The following NCAM1 variants were observed in gnomAD, a reference collection of about 807,000 sequenced individuals.
The protein encoded by NCAM1 is neural cell adhesion molecule 1.
Under a neutral mutation model 109.8 loss-of-function variants are expected in NCAM1, and 14 were observed. The ratio of observed to expected loss-of-function variants is 0.13; its 90% CI spans 0.08 to 0.20. NCAM1 has a LOEUF of 0.20. Among genes scored for constraint, NCAM1 ranks in the 10% least tolerant of loss-of-function variants. The pLI, the probability that NCAM1 is intolerant of heterozygous loss-of-function variation, is 1.00. For missense variants in NCAM1, 774 were observed against 1,109.9 expected, an observed-to-expected ratio of 0.70 and a Z score of 4.30; for synonymous variants, 418 against 442.9, an observed-to-expected ratio of 0.94 and a Z score of 0.70.
intron 1 of NCAM1, among the ~76,000 whole-genome samples, chr11:113,002,044 G>A (rs1951767119): frequency 6.6e-6 from 1 of 152,166 alleles, no homozygotes; most frequent in Non-Finnish European, 1.5e-5. Flanking sequence ...AGCCCTAGGG[G>A]TGACTCTGGT....
At chr11:113,241,626 G>A (rs1167716478) in intron 14 of NCAM1, among the ~76,000 whole-genome samples, 2 of 152,204 alleles carry the variant, frequency 1.3e-5, no homozygotes, top group African/African-American at 4.8e-5. Context: ...TCTAATTAAT[G>A]TTGCTATCCT....
chr11:113,264,091 A>T, intron 17 of NCAM1: 1 of 985,290 alleles, frequency 1.0e-6, no homozygotes, highest in East Asian at 1.1e-4. Flanking sequence ...CCTGCTTGGT[A>T]ATATCAGTGT....
chr11:113,128,543 G>A (rs1475386702), intron 1 of NCAM1, among the ~76,000 whole-genome samples: 2 of 141,304 alleles, frequency 1.4e-5, no homozygotes, highest in Admixed American at 8.9e-5. Flanking sequence ...ACTCCATGGT[G>A]ACAATGGTGA....
At chr11:113,262,837 C>A in intron 17 of NCAM1, 1 of 1,613,648 alleles carries the variant, frequency 6.2e-7, no homozygotes. Context: ...CATTGCTTGA[C>A]ACCTGCAGCA....
chr11:112,962,722 A>G lies in NCAM1; in HGVS notation c.52+1058A>G, dbSNP rs542182225. 2.6e-3 allele frequency among the ~76,000 whole-genome samples: 393 copies of G among 151,798 alleles called. 1 individual carries two copies. Among genetic ancestry groups the G allele is most frequent in the African/African-American group, 9.1e-3 (377 of 41,380 alleles). ...TATTTCCATCCCGGCCTCCCTGGAA[A>G]ATTCTTCTGTGCGTGCCCACCCTCC... On this transcript the variant is annotated intron_variant, in intron 1 of 19. Transcript: ENST00000316851. This position sits in a 1 kb window ranked among gnomAD's most constrained non-coding sequence, Gnocchi z 5.6.
chr11:113,035,715 A>G (rs1261849882), intron 1 of NCAM1, among the ~76,000 whole-genome samples: 2 of 152,070 alleles, frequency 1.3e-5, no homozygotes, highest in Non-Finnish European at 2.9e-5. Context: ...TGCTTTCCAT[A>G]TTTGCATTTA....
intron 18 of NCAM1, among the ~76,000 whole-genome samples, chr11:113,271,348 C>A (rs11214562): frequency 9.2e-6 from 1 of 108,354 alleles, no homozygotes; most frequent in Non-Finnish European, 1.7e-5. Flanking sequence ...CCAGCCTGGG[C>A]GACATAGAGA....
At chr11:113,067,888 A>G (rs1938042741) in intron 1 of NCAM1, among the ~76,000 whole-genome samples, 1 of 149,506 alleles carries the variant, frequency 6.7e-6, no homozygotes, top group African/African-American at 2.5e-5. Context: ...CCCTCCAAGT[A>G]TGGCATTCAT....
intron 1 of NCAM1, among the ~76,000 whole-genome samples, chr11:113,168,332 T>G (rs1942877295): frequency 6.6e-6 from 1 of 152,206 alleles, no homozygotes; most frequent in Non-Finnish European, 1.5e-5. Flanking sequence ...TTTACTGCTT[T>G]TGTGAACACG....
intron 1 of NCAM1, among the ~76,000 whole-genome samples, chr11:113,028,618 G>C (rs1555077834): frequency 6.6e-6 from 1 of 152,130 alleles, no homozygotes; most frequent in African/African-American, 2.4e-5. Context: ...TTGCACTATA[G>C]CATTATAAAG....
At chr11:113,100,882 T>TC (rs1408080738) in intron 1 of NCAM1, among the ~76,000 whole-genome samples, 3 of 152,152 alleles carry the variant, frequency 2.0e-5, no homozygotes, top group Admixed American at 2.0e-4. Flanking sequence ...GCCCAATATT[T>TC]CTCTGCCTCC....
intron 1 of NCAM1, among the ~76,000 whole-genome samples, chr11:113,158,223 T>C (rs1247497958): frequency 6.6e-6 from 1 of 152,234 alleles, no homozygotes; most frequent in East Asian, 1.9e-4. Flanking sequence ...ACTTGAAAGC[T>C]TGAATTTTAT....
chr11:113,273,589 T>C lies in NCAM1; in HGVS notation c.2457-1678T>C, dbSNP rs1555125953. 2.3e-6 allele frequency: 1 copy of C among 435,452 alleles called. No homozygotes were observed. Among genetic ancestry groups the C allele is most frequent in the Admixed American group, 2.5e-5 (1 of 40,702 alleles). 27.0% of individuals were successfully genotyped at this position (435,452 alleles called of 1,614,324 possible). The stretch of plus-strand genomic sequence containing the variant: ...CCTTCCCAGGGCGAGGACTTTAAAA[T>C]GGACGAAGGGAACTTCAAGACCCCA... On this transcript the variant is annotated intron_variant, in intron 19 of 19. Transcript: ENST00000316851. This position sits in a 1 kb window ranked among gnomAD's most constrained non-coding sequence, Gnocchi z 6.0.
chr11:113,037,603 G>A (rs1952934792), intron 1 of NCAM1, among the ~76,000 whole-genome samples: 1 of 152,194 alleles, frequency 6.6e-6, no homozygotes, highest in African/African-American at 2.4e-5. Context: ...GGATTGAATT[G>A]TTTAGTGTTG....
intron 1 of NCAM1, among the ~76,000 whole-genome samples, chr11:113,179,350 C>T (rs1555107608): frequency 2.6e-5 from 4 of 152,250 alleles, no homozygotes; most frequent in Non-Finnish European, 4.4e-5. Context: ...AATAAGAGCA[C>T]ATTTCCATTT....
At chr11:113,119,795 A>C (rs1940876664) in intron 1 of NCAM1, among the ~76,000 whole-genome samples, 1 of 152,134 alleles carries the variant, frequency 6.6e-6, no homozygotes, top group African/African-American at 2.4e-5. Flanking sequence ...TTTTCCTATA[A>C]AATACTATTT....
chr11:113,025,583 G>A (rs1294970939), intron 1 of NCAM1, among the ~76,000 whole-genome samples: 1 of 152,066 alleles, frequency 6.6e-6, no homozygotes. Flanking sequence ...GTATGCTCCA[G>A]AGAGTAAGTG....
At chr11:113,231,289 C>T in intron 9 of NCAM1, 2 of 1,536,000 alleles carry the variant, frequency 1.3e-6, no homozygotes, top group Admixed American at 3.9e-5. Flanking sequence ...GCTGCTGCTG[C>T]TGCTGCTGCA....
At chr11:113,173,334 A>C (rs1555106533) in intron 1 of NCAM1, among the ~76,000 whole-genome samples, 1 of 151,958 alleles carries the variant, frequency 6.6e-6, no homozygotes, top group African/African-American at 2.4e-5. Flanking sequence ...ATATGTTAAG[A>C]ATCTCCGTAA....
Sources: gnomAD v4.1 joint callset for allele counts (sites outside exome capture counted in the v4.1 genomes callset) on GRCh38, gnomAD v4.1.1 for gene constraint, Gnocchi (gnomAD v3.1) non-coding constraint, MANE v1.5 for transcripts, NCBI Gene and HGNC (gene_info 2026-07-23, HGNC 2026-07-21) for gene names.